PGAP2: variants seen among roughly 807,000 people sequenced by gnomAD.
The protein encoded by PGAP2 is acyltransferase PGAP2.
Under a neutral mutation model 33.2 loss-of-function variants are expected in PGAP2, and 21 were observed. That is an observed-to-expected ratio of 0.63 (90% CI 0.45 to 0.91). The LOEUF (loss-of-function observed/expected upper bound fraction) is 0.91. Among genes scored for constraint, PGAP2 ranks in the 40% least tolerant of loss-of-function variants. The pLI is 0.00. For synonymous variants in PGAP2, 161 were observed against 172.9 expected (o/e 0.93, Z 0.54); for missense variants, 345 against 424.0 (o/e 0.81, Z 1.64).
rs142694334 is a variant in PGAP2, at chr11:3,824,109, C to T, written c.575C>T (p.Thr192Ile). 2.5e-6 allele frequency: 4 copies of T among 1,614,074 alleles called. No individual in the cohort carries two copies. The African/African-American group carries it at 4.0e-5, about 16-fold the overall frequency. ...GAGAACCTCGCGTTGCTAGTGCTCA[C>T]TTATGTCTCCTCCTCCGAGGACTTC... ...VVENLALLVL[T>I]YVSSSEDFTI... Residue 192 changes from threonine to isoleucine, a missense_variant, in exon 4 of 7, where the codon ACT becomes ATT. Physicochemically the swap from Thr to Ile is moderately conservative, Grantham distance 89. Coordinates refer to ENST00000278243, the MANE Select transcript of PGAP2 (RefSeq NM_014489.4).
intron 1 of PGAP2, among the ~76,000 whole-genome samples, chr11:3,799,693 G>A (rs2083176817): frequency 6.6e-6 from 1 of 152,146 alleles, no homozygotes; most frequent in Admixed American, 6.5e-5. Flanking sequence ...TGGGAGACTG[G>A]GAGTGGTGGC....
chr11:3,798,017 C>G, intron 1 of PGAP2: 2 of 1,535,544 alleles, frequency 1.3e-6, no homozygotes, highest in Non-Finnish European at 8.8e-7. Flanking sequence ...CCCGGTCCGC[C>G]GGCGCTGCTG....
chr11:3,823,869 T>C lies in PGAP2; in HGVS notation c.349-14T>C, dbSNP rs1179185174. On this transcript the variant is annotated splice_polypyrimidine_tract_variant and intron_variant, in intron 3 of 6. Coordinates refer to ENST00000278243, the MANE Select transcript of PGAP2 (RefSeq NM_014489.4). Reference sequence around the variant, plus strand: ...TGGCAGAGGCAGATGCCCAGACAGGTCACAACTCTCTAGGTGCCCAATTAC... The same window carrying C: ...TGGCAGAGGCAGATGCCCAGACAGGCCACAACTCTCTAGGTGCCCAATTAC... The C allele has an allele frequency of 6.2e-7, 1 of 1,600,776 alleles. No individual in the cohort carries two copies. The highest frequency in any genetic ancestry group is 1.1e-5 in the South Asian group (1 of 91,052).
In PGAP2 at chr11:3,825,448, A is replaced by G. The variant is rs761992792; in HGVS notation, c.938A>G (p.Lys313Arg). The change falls in exon 7 of 7, where the codon AAG becomes AGG. Residue 313 changes from lysine to arginine, a missense_variant. Transcript: ENST00000278243. The stretch of plus-strand genomic sequence containing the variant: ...CTCATAACCTCTCAGCCTGAGGAAA[A>G]GCGATTCTGAACCCTTCAGTCCTGC... ...ELLITSQPEE[K>R]RF 1.9e-6 allele frequency: 3 copies of G among 1,613,170 alleles called. No individual in the cohort carries two copies. Among genetic ancestry groups the G allele is most frequent in the South Asian group, 2.2e-5 (2 of 90,972 alleles).
intron 3 of PGAP2, among the ~76,000 whole-genome samples, chr11:3,820,136 T>C (rs1027719807): frequency 1.3e-5 from 2 of 152,142 alleles, no homozygotes; most frequent in Admixed American, 6.5e-5. Flanking sequence ...AGTTTTCAGA[T>C]TGAATATTCC....
At chr11:3,806,516 T>A (rs1445065310), upstream of PGAP2, among the ~76,000 whole-genome samples, 2 of 152,160 alleles carry the variant, frequency 1.3e-5, no homozygotes, top group Non-Finnish European at 2.9e-5. Context: ...ACATGAGGCC[T>A]GTCAAAGAGA....
chr11:3,820,747 T>C (rs143041192), intron 3 of PGAP2, among the ~76,000 whole-genome samples: 1 of 152,058 alleles, frequency 6.6e-6, no homozygotes, highest in Non-Finnish European at 1.5e-5. Context: ...CACTTGAACC[T>C]GGGAGGCGGA....
Position 3,824,925 on chromosome 11 carries a change from A to C in PGAP2, c.709-95A>C, listed in dbSNP as rs1043072953. 8.3e-6 allele frequency: 13 copies of C among 1,561,382 alleles called. No individual in the cohort carries two copies. In the African/African-American group the frequency reaches 1.8e-4, roughly 21 times the overall value. ...CATGACCGCTAGTGGGAGCCAAGGG[A>C]GATAAGGCCCAGCCCTTAGGAGTTA... On this transcript the variant is annotated intron_variant, in intron 5 of 6. Transcript: ENST00000278243.
chr11:3,821,619 G>A lies in PGAP2; in HGVS notation c.349-2264G>A, dbSNP rs377566554. Among the ~76,000 whole-genome samples the A allele has an allele frequency of 3.3e-5, 5 of 152,212 alleles. No individual in the cohort carries two copies. In the East Asian group the frequency reaches 5.8e-4, roughly 18 times the overall value. ...ACTAAAAATACAAAATTAGCTGGGC[G>A]TGGCAGCAGGCGCCTGTAATCCCAG... On this transcript the variant is annotated intron_variant, in intron 3 of 6. Transcript: ENST00000278243.
intron 2 of PGAP2, among the ~76,000 whole-genome samples, chr11:3,814,727 CCTT>C (rs2086378949): frequency 1.0e-5 from 1 of 99,816 alleles, no homozygotes; most frequent in Admixed American, 1.0e-4. Context: ...CTTTTTCTTT[CCTT>C]CTTTCCTTCT....
chr11:3,797,817 AC>A, upstream of PGAP2: 1 of 1,548,944 alleles, frequency 6.5e-7, no homozygotes, highest in South Asian at 1.2e-5. Context: ...GTGACGTCAC[AC>A]AGGGCCTCTC....
intron 2 of PGAP2, among the ~76,000 whole-genome samples, chr11:3,815,961 G>A (rs1342708990): frequency 1.3e-5 from 2 of 152,148 alleles, no homozygotes; most frequent in East Asian, 3.9e-4. Flanking sequence ...TTGGAAACCT[G>A]CCTATGACCC....
intron 5 of PGAP2, 158 bp downstream of exon 5, chr11:3,824,534 A>C: frequency 8.8e-7 from 1 of 1,134,026 alleles, no homozygotes; most frequent in Non-Finnish European, 1.3e-6. Flanking sequence ...GAACAAACTG[A>C]GGGTGGTTGG....
intron 1 of PGAP2, among the ~76,000 whole-genome samples, chr11:3,802,075 CCTT>C (rs1223082355): frequency 1.9e-5 from 1 of 53,282 alleles, no homozygotes; most frequent in East Asian, 6.3e-4. Flanking sequence ...TTTTCCTTTT[CCTT>C]TTTTTTTTTT....
intron 1 of PGAP2, among the ~76,000 whole-genome samples, chr11:3,802,686 G>A (rs1434491962): frequency 6.6e-6 from 1 of 152,194 alleles, no homozygotes; most frequent in Non-Finnish European, 1.5e-5. Flanking sequence ...TCTTTCCAGA[G>A]AAGCAGCAGA....
At position 3,825,009 on chromosome 11, in the gene PGAP2, C is replaced by G. The variant is rs2089766818; in HGVS notation, c.709-11C>G. The G allele has an allele frequency of 6.2e-7, 1 of 1,613,958 alleles. No homozygotes were observed. The highest frequency in any genetic ancestry group is 1.3e-5 in the African/African-American group (1 of 74,928). ...GCAAGCTGCAGAGTGATCAGACAGC[C>G]CATTCCCTAGGATCGCAAGTCCTAC... On this transcript the variant is annotated splice_polypyrimidine_tract_variant and intron_variant, in intron 5 of 6. Transcript: ENST00000278243.
At chr11:3,816,734 C>G (rs2087115107) in intron 2 of PGAP2, among the ~76,000 whole-genome samples, 1 of 152,194 alleles carries the variant, frequency 6.6e-6, no homozygotes, top group Non-Finnish European at 1.5e-5. Context: ...GGCTGGCAGC[C>G]TGTGGCCCCA....
upstream of PGAP2, among the ~76,000 whole-genome samples, chr11:3,806,439 C>A (rs1564981315): frequency 2.6e-5 from 4 of 152,136 alleles, no homozygotes; most frequent in Admixed American, 2.6e-4. Context: ...TGAGTGCGCA[C>A]CTTCTCCAGA....
At chr11:3,810,288 CAGAG>C (rs1244617459) in intron 1 of PGAP2, among the ~76,000 whole-genome samples, 1 of 152,200 alleles carries the variant, frequency 6.6e-6, no homozygotes, top group East Asian at 1.9e-4. Flanking sequence ...AGTTCAGACA[CAGAG>C]AGGAAGGGGT....
Sources: gnomAD v4.1 joint callset for allele counts (sites outside exome capture counted in the v4.1 genomes callset) on GRCh38, gnomAD v4.1.1 for gene constraint, MANE v1.5 for transcripts, NCBI Gene and HGNC (gene_info 2026-07-23, HGNC 2026-07-21) for gene names.